Variants in CTNNA3 observed in about 807,000 individuals in gnomAD.
The protein encoded by CTNNA3 is catenin alpha 3.
A neutral mutation model predicts 95.7 loss-of-function variants in CTNNA3; 76 were observed. The ratio of observed to expected loss-of-function variants is 0.79; its 90% CI spans 0.66 to 0.96. The LOEUF (loss-of-function observed/expected upper bound fraction) is 0.96, where lower values mean the gene tolerates loss of function less well. CTNNA3 is among the 40% of genes least tolerant of loss of function. The probability of loss-of-function intolerance (pLI) is 0.00; values close to 1 mark genes in which losing one functional copy is unlikely to be tolerated. For missense variants in CTNNA3, 1,191 were observed against 1,089.8 expected, an observed-to-expected ratio of 1.09 and a Z score of -1.31; for synonymous variants, 431 against 374.4, an observed-to-expected ratio of 1.15 and a Z score of -1.74.
chr10:67,480,488 T>G (rs1285070232), intron 5 of CTNNA3, among the ~76,000 whole-genome samples: 1 of 152,188 alleles, frequency 6.6e-6, no homozygotes. Context: ...TGCTGGAAGT[T>G]GCCGGTTTAC....
intron 9 of CTNNA3, among the ~76,000 whole-genome samples, chr10:66,657,553 T>C (rs1846111361): frequency 6.6e-6 from 1 of 152,164 alleles, no homozygotes; most frequent in Non-Finnish European, 1.5e-5. Context: ...GGCACTTCTC[T>C]CCTTGATTTG....
intron 7 of CTNNA3, among the ~76,000 whole-genome samples, chr10:67,133,888 T>C (rs1860161381): frequency 6.6e-6 from 1 of 152,138 alleles, no homozygotes; most frequent in Non-Finnish European, 1.5e-5. Flanking sequence ...CTTGCTATAT[T>C]GCCCAGACCG....
chr10:67,744,810 AAAAC>A (rs757821780), intron 1 of CTNNA3, among the ~76,000 whole-genome samples: 16 of 152,270 alleles, frequency 1.1e-4, no homozygotes, highest in South Asian at 2.1e-4. Flanking sequence ...TTACAAGAAA[AAAAC>A]AAACAACCCC....
intron 12 of CTNNA3, among the ~76,000 whole-genome samples, chr10:66,346,922 C>T (rs1313984349): frequency 6.6e-6 from 1 of 151,566 alleles, no homozygotes; most frequent in Non-Finnish European, 1.5e-5. Flanking sequence ...ACTTGGGACC[C>T]TGGAATGGGG....
intron 5 of CTNNA3, among the ~76,000 whole-genome samples, chr10:67,450,265 C>G (rs916301663): frequency 2.0e-5 from 3 of 152,132 alleles, no homozygotes; most frequent in Non-Finnish European, 4.4e-5. Flanking sequence ...AAAAACAGAA[C>G]TACCATTTGA....
intron 3 of CTNNA3, among the ~76,000 whole-genome samples, chr10:67,564,677 G>GTA (rs71006151): frequency 0.017 from 1,063 of 61,232 alleles, 19 homozygotes; most frequent in Non-Finnish European, 0.024. Flanking sequence ...GTGTGTGTGT[G>GTA]TATATATATA....
intron 5 of CTNNA3, among the ~76,000 whole-genome samples, chr10:67,238,194 A>C (rs1370180321): frequency 6.6e-6 from 1 of 152,214 alleles, no homozygotes; most frequent in Non-Finnish European, 1.5e-5. Context: ...ACATGAATCT[A>C]GACTTCAGAG....
chr10:66,698,424 C>T (rs1480155016), intron 9 of CTNNA3, among the ~76,000 whole-genome samples: 1 of 152,162 alleles, frequency 6.6e-6, no homozygotes, highest in Non-Finnish European at 1.5e-5. Context: ...CCATCTATCA[C>T]TTACCCAAAA....
chr10:65,951,815 G>A (rs2077619625), intron 17 of CTNNA3, among the ~76,000 whole-genome samples: 1 of 152,146 alleles, frequency 6.6e-6, no homozygotes, highest in African/African-American at 2.4e-5. Context: ...GGACCACGAG[G>A]TCAGGAGATC....
chr10:67,555,344 C>A (rs1037103422), intron 3 of CTNNA3, among the ~76,000 whole-genome samples: 4 of 152,106 alleles, frequency 2.6e-5, no homozygotes, highest in Non-Finnish European at 4.4e-5. Context: ...TTACCTTGGG[C>A]AGTATGGCCA....
At chr10:67,750,420 C>T in intron 1 of CTNNA3, 1 of 1,483,796 alleles carries the variant, frequency 6.7e-7, no homozygotes, top group Non-Finnish European at 9.4e-7. Flanking sequence ...ATTGACTGTG[C>T]CTATGTCTAT....
intron 12 of CTNNA3, among the ~76,000 whole-genome samples, chr10:66,305,993 C>A (rs7897609): frequency 0.28 from 42,494 of 152,012 alleles, 6,775 homozygotes; most frequent in East Asian, 0.51. Flanking sequence ...CCTGACCCAA[C>A]TAAATGTATT....
chr10:67,403,528 C>T (rs1564627903), intron 5 of CTNNA3: 2 of 152,472 alleles, frequency 1.3e-5, no homozygotes, highest in Non-Finnish European at 2.9e-5. Context: ...ACCACCCTCA[C>T]CCATGTTCTA....
intron 12 of CTNNA3, among the ~76,000 whole-genome samples, chr10:66,331,377 G>C (rs185531923): frequency 1.2e-5 from 1 of 83,852 alleles, no homozygotes; most frequent in Non-Finnish European, 2.1e-5. Flanking sequence ...TTTTTGAGAC[G>C]GAGTTTTGCT....
chr10:66,300,867 A>G (rs1363624696), intron 12 of CTNNA3, among the ~76,000 whole-genome samples: 1 of 152,058 alleles, frequency 6.6e-6, no homozygotes, highest in African/African-American at 2.4e-5. Context: ...AAAATCAGTA[A>G]AGAAAGTCAA....
intron 7 of CTNNA3, among the ~76,000 whole-genome samples, chr10:67,065,448 A>C (rs1177400984): frequency 6.6e-6 from 1 of 152,184 alleles, no homozygotes; most frequent in Admixed American, 6.5e-5. Flanking sequence ...ATCTTGTGAC[A>C]GAGAAAATAA....
intron 12 of CTNNA3, among the ~76,000 whole-genome samples, chr10:66,293,671 T>C (rs1004055500): frequency 2.0e-5 from 3 of 151,032 alleles, no homozygotes; most frequent in East Asian, 1.9e-4. Flanking sequence ...TTCTTTCTTT[T>C]TTTTTTTTTT....
intron 13 of CTNNA3, among the ~76,000 whole-genome samples, chr10:66,262,583 CT>C (rs923609865): frequency 2.0e-4 from 30 of 149,704 alleles, no homozygotes; most frequent in Non-Finnish European, 3.7e-4. Context: ...ATAGAATGGT[CT>C]TTTTTTTTGC....
intron 3 of CTNNA3, among the ~76,000 whole-genome samples, chr10:67,575,478 T>C (rs529915765): frequency 6.6e-6 from 1 of 152,172 alleles, no homozygotes; most frequent in African/African-American, 2.4e-5. Flanking sequence ...TCAAATTATG[T>C]TGTGAAAAAA....
Sources: allele counts gnomAD v4.1 joint callset (sites outside exome capture counted in the v4.1 genomes callset), GRCh38; gene constraint gnomAD v4.1.1; transcripts MANE v1.5; gene names NCBI Gene and HGNC (gene_info 2026-07-23, HGNC 2026-07-21).